CCDC102B: variants seen among roughly 807,000 people sequenced by gnomAD.
CCDC102B encodes the protein coiled-coil domain containing 102B.
Under a neutral mutation model 57.4 loss-of-function variants are expected in CCDC102B, and 75 were observed. The observed-to-expected ratio is 1.31, with a 90% CI of 1.08 to 1.58. CCDC102B has a LOEUF of 1.58. Among genes scored for constraint, CCDC102B ranks in the 40% most tolerant of loss-of-function variants. The pLI is 0.00. For missense variants in CCDC102B, 636 were observed against 582.6 expected, an observed-to-expected ratio of 1.09 and a Z score of -0.94; for synonymous variants, 206 against 201.9, an observed-to-expected ratio of 1.02 and a Z score of -0.17.
chr18:68,870,573 C>T (rs1421746333), intron 4 of CCDC102B, among the ~76,000 whole-genome samples: 1 of 152,046 alleles, frequency 6.6e-6, no homozygotes, highest in Non-Finnish European at 1.5e-5. Flanking sequence ...TAGACTTTGA[C>T]TTTAGAAGAG....
intron 1 of CCDC102B, among the ~76,000 whole-genome samples, chr18:68,806,212 AT>A (rs2036028592): frequency 6.6e-6 from 1 of 152,212 alleles, no homozygotes; most frequent in South Asian, 2.1e-4. Flanking sequence ...ATTAATAATT[AT>A]TTTTTCCCAT....
chr18:68,965,328 C>T (rs2145241468), intron 6 of CCDC102B, among the ~76,000 whole-genome samples: 1 of 150,586 alleles, frequency 6.6e-6, no homozygotes, highest in South Asian at 2.1e-4. Context: ...CCCATTTGTT[C>T]CCCCTATTTT....
chr18:68,835,062 A>C (rs1234837495), intron 1 of CCDC102B, among the ~76,000 whole-genome samples: 1 of 152,162 alleles, frequency 6.6e-6, no homozygotes, highest in Non-Finnish European at 1.5e-5. Flanking sequence ...TAATTTACAA[A>C]TTAAGCTGCA....
At chr18:68,856,111 A>G (rs892729637) in intron 4 of CCDC102B, among the ~76,000 whole-genome samples, 1 of 152,138 alleles carries the variant, frequency 6.6e-6, no homozygotes, top group Non-Finnish European at 1.5e-5. Context: ...ATAAAGTTAA[A>G]TCACATACTT....
At chr18:68,810,633 A>G (rs1568263059) in intron 1 of CCDC102B, among the ~76,000 whole-genome samples, 1 of 143,778 alleles carries the variant, frequency 7.0e-6, no homozygotes, top group Non-Finnish European at 1.5e-5. Context: ...CTCTAGGATC[A>G]TGATTTTTAG....
intron 5 of CCDC102B, among the ~76,000 whole-genome samples, chr18:68,891,428 G>A: frequency 6.6e-6 from 1 of 152,180 alleles, no homozygotes; most frequent in East Asian, 1.9e-4. Flanking sequence ...TCCATGTGGT[G>A]ATTTTATGCA....
intron 4 of CCDC102B, among the ~76,000 whole-genome samples, chr18:68,857,293 TTATATATATAATATATA>T (rs2038497399): frequency 2.2e-4 from 1 of 4,570 alleles, no homozygotes; most frequent in Non-Finnish European, 6.5e-4. Flanking sequence ...TATTTATATA[TTATATATATAATATATA>T]TTTATATATT....
intron 1 of CCDC102B, among the ~76,000 whole-genome samples, chr18:68,822,587 A>T (rs570824542): frequency 6.6e-6 from 1 of 152,078 alleles, no homozygotes; most frequent in Non-Finnish European, 1.5e-5. Context: ...GGTATGTTGC[A>T]CCCAGGTAGG....
At chr18:69,056,948 T>C (rs2052828953), downstream of CCDC102B, among the ~76,000 whole-genome samples, 1 of 152,042 alleles carries the variant, frequency 6.6e-6, no homozygotes, top group Non-Finnish European at 1.5e-5. Context: ...ATATTTCTCC[T>C]TTAGATACCT....
intron 1 of CCDC102B, among the ~76,000 whole-genome samples, chr18:68,836,235 A>T (rs2037361060): frequency 6.6e-6 from 1 of 152,154 alleles, no homozygotes; most frequent in African/African-American, 2.4e-5. Flanking sequence ...TTTTATTTGT[A>T]TTTGGCAAAA....
chr18:69,008,363 T>A (rs2051408864), intron 6 of CCDC102B, among the ~76,000 whole-genome samples: 1 of 152,158 alleles, frequency 6.6e-6, no homozygotes, highest in Non-Finnish European at 1.5e-5. Context: ...GTGAAGCGAT[T>A]GAAGTGACAG....
At chr18:68,917,384 A>G (rs1438734530) in intron 6 of CCDC102B, among the ~76,000 whole-genome samples, 4 of 152,150 alleles carry the variant, frequency 2.6e-5, no homozygotes, top group African/African-American at 9.7e-5. Flanking sequence ...GCATAGCTAC[A>G]CGTACTGTGG....
chr18:68,861,160 A>G (rs1417311115), intron 4 of CCDC102B, among the ~76,000 whole-genome samples: 1 of 151,922 alleles, frequency 6.6e-6, no homozygotes, highest in Non-Finnish European at 1.5e-5. Flanking sequence ...ACATGCTCCA[A>G]GTAAAGGGAA....
At chr18:68,973,485 T>C (rs983871261) in intron 6 of CCDC102B, among the ~76,000 whole-genome samples, 1 of 152,110 alleles carries the variant, frequency 6.6e-6, no homozygotes, top group Non-Finnish European at 1.5e-5. Flanking sequence ...AACTAAGAAA[T>C]GAATAATAAA....
chr18:68,912,191 T>C (rs949549579), intron 6 of CCDC102B, among the ~76,000 whole-genome samples: 1 of 152,190 alleles, frequency 6.6e-6, no homozygotes, highest in Non-Finnish European at 1.5e-5. Flanking sequence ...AAGGTCTATA[T>C]AGTTTCAGTC....
intron 6 of CCDC102B, among the ~76,000 whole-genome samples, chr18:68,970,083 C>T (rs1432577598): frequency 6.6e-6 from 1 of 151,938 alleles, no homozygotes; most frequent in African/African-American, 2.4e-5. Flanking sequence ...TCTTTTTAAG[C>T]TGTCAGAATA....
chr18:68,999,329 G>A (rs1410730744), intron 6 of CCDC102B, among the ~76,000 whole-genome samples: 1 of 151,866 alleles, frequency 6.6e-6, no homozygotes, highest in African/African-American at 2.4e-5. Context: ...TGGCACATTG[G>A]CTCACACCTA....
chr18:68,865,053 T>C (rs2038915443), intron 4 of CCDC102B, among the ~76,000 whole-genome samples: 1 of 152,050 alleles, frequency 6.6e-6, no homozygotes, highest in Non-Finnish European at 1.5e-5. Flanking sequence ...TTGCTTTGTT[T>C]TGTTTATGAG....
intron 2 of CCDC102B, among the ~76,000 whole-genome samples, chr18:68,743,570 A>G (rs1205081608): frequency 1.3e-5 from 2 of 152,188 alleles, no homozygotes; most frequent in Admixed American, 6.5e-5. Flanking sequence ...CAAACGCTCA[A>G]TGCTTGCCTT....
Sources: gnomAD v4.1 joint callset for allele counts (sites outside exome capture counted in the v4.1 genomes callset) on GRCh38, gnomAD v4.1.1 for gene constraint, MANE v1.5 for transcripts, NCBI Gene and HGNC (gene_info 2026-07-23, HGNC 2026-07-21) for gene names.